The following ELAPOR2 variants were observed in gnomAD, a reference collection of about 807,000 sequenced individuals.
ELAPOR2 encodes endosome/lysosome-associated apoptosis and autophagy regulator family member 2.
In ELAPOR2, 89 loss-of-function variants were observed where a neutral mutation model predicts 120.7. The observed-to-expected ratio is 0.74, with a 90% CI of 0.62 to 0.88. ELAPOR2 has a LOEUF of 0.88. Ranked by LOEUF, ELAPOR2 falls within the 40% of genes least tolerant of loss-of-function variation. The probability of loss-of-function intolerance (pLI) is 0.00; values close to 1 mark genes in which losing one functional copy is unlikely to be tolerated. For synonymous variants in ELAPOR2, 444 were observed against 444.9 expected (o/e 1.00, Z 0.03); for missense variants, 1,134 against 1,251.6 (o/e 0.91, Z 1.42).
At chr7:86,978,148 C>T (rs376078686) in intron 1 of ELAPOR2, among the ~76,000 whole-genome samples, 3 of 152,068 alleles carry the variant, frequency 2.0e-5, no homozygotes, top group African/African-American at 7.3e-5. Flanking sequence ...GAGTGAGTCT[C>T]GTGAGGTCTG....
chr7:86,935,228 T>C (rs1375515726), intron 8 of ELAPOR2, among the ~76,000 whole-genome samples: 1 of 152,070 alleles, frequency 6.6e-6, no homozygotes. Flanking sequence ...CCATGCCTTT[T>C]CTAGCAATAG....
At chr7:86,930,728 C>T (rs543925916) in intron 8 of ELAPOR2, among the ~76,000 whole-genome samples, 37 of 152,058 alleles carry the variant, frequency 2.4e-4, no homozygotes, top group Middle Eastern at 3.4e-3. Flanking sequence ...TGAGCATCAG[C>T]AGAAAGTTCC....
At chr7:87,040,673 C>G (rs529098848) in intron 1 of ELAPOR2, among the ~76,000 whole-genome samples, 56 of 152,344 alleles carry the variant, frequency 3.7e-4, no homozygotes, top group Middle Eastern at 6.8e-3. Flanking sequence ...AAAAACAGAA[C>G]AGAACAGCTG....
chr7:86,909,040 T>C (rs1055036547), intron 16 of ELAPOR2, among the ~76,000 whole-genome samples: 9 of 150,268 alleles, frequency 6.0e-5, no homozygotes, highest in Non-Finnish European at 8.8e-5. Context: ...AAACTAAGGC[T>C]TTTTTTCCCT....
intron 12 of ELAPOR2, among the ~76,000 whole-genome samples, chr7:86,917,306 C>T (rs112310299): frequency 1.3e-5 from 2 of 152,062 alleles, no homozygotes; most frequent in African/African-American, 4.8e-5. Context: ...GTAAATCCAG[C>T]TACTCAGAAG....
chr7:87,022,648 C>A (rs1386236500), intron 1 of ELAPOR2, among the ~76,000 whole-genome samples: 1 of 151,790 alleles, frequency 6.6e-6, no homozygotes, highest in African/African-American at 2.4e-5. Flanking sequence ...CCTGAGGAAT[C>A]GCCACACTGA....
intron 14 of ELAPOR2, among the ~76,000 whole-genome samples, chr7:86,912,471 A>T (rs1394699808): frequency 2.6e-5 from 4 of 151,460 alleles, no homozygotes; most frequent in African/African-American, 9.8e-5. Context: ...GTTATCCTCA[A>T]GTTTGTTCCT....
intron 1 of ELAPOR2, among the ~76,000 whole-genome samples, chr7:87,006,523 T>C (rs573366566): frequency 1.2e-4 from 18 of 151,640 alleles, no homozygotes; most frequent in Non-Finnish European, 2.4e-4. Context: ...TAAAGTATAA[T>C]TTAAAAAAGA....
At chr7:86,990,795 T>G (rs1792920363) in intron 1 of ELAPOR2, among the ~76,000 whole-genome samples, 1 of 152,186 alleles carries the variant, frequency 6.6e-6, no homozygotes, top group Non-Finnish European at 1.5e-5. Context: ...CAGTTTGTGA[T>G]TCTCATCATA....
chr7:87,026,101 C>T (rs1794234245), intron 1 of ELAPOR2, among the ~76,000 whole-genome samples: 1 of 151,986 alleles, frequency 6.6e-6, no homozygotes, highest in Non-Finnish European at 1.5e-5. Flanking sequence ...TAAGAAAGCA[C>T]TGAGAAAAAG....
chr7:87,042,428 A>G (rs1470420853), intron 1 of ELAPOR2, among the ~76,000 whole-genome samples: 2 of 151,374 alleles, frequency 1.3e-5, no homozygotes, highest in Non-Finnish European at 2.9e-5. Context: ...ACCACAGTGC[A>G]ATCAAACTAG....
At chr7:86,972,641 G>T (rs1161309074) in intron 1 of ELAPOR2, among the ~76,000 whole-genome samples, 2 of 149,118 alleles carry the variant, frequency 1.3e-5, no homozygotes, top group Non-Finnish European at 3.0e-5. Flanking sequence ...AAACAGCTAA[G>T]TAATGAAAGA....
At chr7:86,902,321 C>T (rs997842085) in intron 18 of ELAPOR2, among the ~76,000 whole-genome samples, 14 of 152,150 alleles carry the variant, frequency 9.2e-5, no homozygotes, top group Middle Eastern at 3.4e-3. Flanking sequence ...GGATTACAGG[C>T]GCCCGCCACA....
At chr7:86,931,951 C>T (rs1366464524) in intron 8 of ELAPOR2, among the ~76,000 whole-genome samples, 1 of 151,888 alleles carries the variant, frequency 6.6e-6, no homozygotes, top group East Asian at 1.9e-4. Flanking sequence ...TCTTTGGGAA[C>T]TGATCTGTGT....
chr7:86,935,155 C>A (rs903421374), intron 8 of ELAPOR2, among the ~76,000 whole-genome samples: 21 of 152,054 alleles, frequency 1.4e-4, no homozygotes, highest in African/African-American at 5.1e-4. Flanking sequence ...TACCAAAAAA[C>A]TTGCAGTGAT....
chr7:87,029,301 T>C (rs1794352986), intron 1 of ELAPOR2, among the ~76,000 whole-genome samples: 1 of 152,180 alleles, frequency 6.6e-6, no homozygotes. Context: ...GAGTAGATAT[T>C]AAATAAATGG....
At chr7:87,000,111 T>C (rs1793263171) in intron 1 of ELAPOR2, among the ~76,000 whole-genome samples, 1 of 152,118 alleles carries the variant, frequency 6.6e-6, no homozygotes, top group African/African-American at 2.4e-5. Context: ...TGACCATCCC[T>C]ACAAGCCATC....
chr7:87,047,308 C>A (rs2129016951), intron 1 of ELAPOR2, among the ~76,000 whole-genome samples: 1 of 152,264 alleles, frequency 6.6e-6, no homozygotes, highest in South Asian at 2.1e-4. Context: ...CACAGAAGCA[C>A]AGACAACCAA....
intron 1 of ELAPOR2, among the ~76,000 whole-genome samples, chr7:87,006,524 T>C (rs1463794203): frequency 6.6e-6 from 1 of 151,764 alleles, no homozygotes; most frequent in East Asian, 1.9e-4. Flanking sequence ...AAAGTATAAT[T>C]TAAAAAAGAA....
Sources: gnomAD v4.1 joint callset for allele counts (sites outside exome capture counted in the v4.1 genomes callset) on GRCh38, gnomAD v4.1.1 for gene constraint, MANE v1.5 for transcripts, NCBI Gene and HGNC (gene_info 2026-07-23, HGNC 2026-07-21) for gene names.